SNX25: variants seen among roughly 807,000 people sequenced by gnomAD.
SNX25 encodes sorting nexin-25.
SNX25 carries 62 observed loss-of-function variants against 113.7 expected under a neutral mutation model. The observed-to-expected ratio is 0.55, with a 90% CI of 0.44 to 0.67. The LOEUF (loss-of-function observed/expected upper bound fraction) is 0.67, where lower values mean the gene tolerates loss of function less well. Ranked by LOEUF, SNX25 falls within the 30% of genes least tolerant of loss-of-function variation. The probability of loss-of-function intolerance (pLI) is 0.00; values close to 1 mark genes in which losing one functional copy is unlikely to be tolerated. For synonymous variants in SNX25, 421 were observed against 436.2 expected, an observed-to-expected ratio of 0.97 and a Z score of 0.43; for missense variants, 1,014 against 1,161.0, an observed-to-expected ratio of 0.87 and a Z score of 1.84.
chr4:185,264,540 T>C lies in SNX25; in HGVS notation c.834T>C (p.Cys278=). Residue 278 remains cysteine, a synonymous_variant, in exon 4 of 19, where the codon TGT becomes TGC. Coordinates refer to ENST00000652585, the MANE Select transcript of SNX25 (RefSeq NM_001378034.2). ...CGTGTTCTCGGGTTCTGGTGTTTTG[T>C]CTCCTCCCCTCAAAGGATGTGCAGT... is the stretch of plus-strand genomic sequence containing the variant. ...LQTCSRVLVF[C]LLPSKDVQSL... is the part of the protein sequence containing the mutation. 6.2e-7 allele frequency: 1 copy of C among 1,614,086 alleles called. No individual in the cohort carries two copies. Among genetic ancestry groups the C allele is most frequent in the Non-Finnish European group, 8.5e-7 (1 of 1,179,960 alleles).
At chr4:185,283,183 C>T (rs1750892981) in intron 5 of SNX25, among the ~76,000 whole-genome samples, 1 of 152,170 alleles carries the variant, frequency 6.6e-6, no homozygotes, top group African/African-American at 2.4e-5. Flanking sequence ...CAGTTCCTCA[C>T]AGGAGACCCA....
chr4:185,339,883 G>A (rs548645826), intron 11 of SNX25, among the ~76,000 whole-genome samples: 1 of 152,276 alleles, frequency 6.6e-6, no homozygotes, highest in African/African-American at 2.4e-5. Flanking sequence ...GTTTCATCCT[G>A]CCAACTTCAA....
At chr4:185,269,324 A>G (rs1218717921) in intron 5 of SNX25, among the ~76,000 whole-genome samples, 1 of 152,166 alleles carries the variant, frequency 6.6e-6, no homozygotes, top group Non-Finnish European at 1.5e-5. Flanking sequence ...TCGAATACTC[A>G]TCTACCTGGT....
At chr4:185,218,775 T>C (rs932922014) in intron 1 of SNX25, among the ~76,000 whole-genome samples, 2 of 152,240 alleles carry the variant, frequency 1.3e-5, no homozygotes, top group South Asian at 4.1e-4. Context: ...AGAATATACC[T>C]CTTGGAAAAT....
chr4:185,319,323 A>T (rs1410971961), intron 7 of SNX25, among the ~76,000 whole-genome samples: 2 of 147,090 alleles, frequency 1.4e-5, no homozygotes, highest in African/African-American at 5.0e-5. Context: ...TCAGCCTCCC[A>T]AGTAGCTGGG....
chr4:185,303,637 C>T lies in SNX25; in HGVS notation c.1163-6998C>T, dbSNP rs530035439. On this transcript the variant is annotated intron_variant, in intron 6 of 18. Transcript: ENST00000652585. Reference sequence around the variant, plus strand: ...TTGCACCACTGCACTTCAGCCTGGGCGACAGAGCGAGACTCTGTCTCAAAA... The same window carrying T: ...TTGCACCACTGCACTTCAGCCTGGGTGACAGAGCGAGACTCTGTCTCAAAA... Among the ~76,000 whole-genome samples the T allele has an allele frequency of 9.7e-5, 13 of 133,666 alleles. No individual in the cohort carries two copies. The South Asian group carries it at 1.9e-3, about 19-fold the overall frequency. The allele number at this position is 133,666 out of a possible 152,430, so 87.7% of individuals were successfully genotyped here. A position where few individuals can be genotyped will look rare whatever the true frequency, so the allele number is the denominator to read the frequency against.
chr4:185,319,870 G>T (rs1278300598), intron 7 of SNX25, among the ~76,000 whole-genome samples: 1 of 152,146 alleles, frequency 6.6e-6, no homozygotes, highest in African/African-American at 2.4e-5. Context: ...AAAAATGCAT[G>T]TTTTCAGCTC....
upstream of SNX25, among the ~76,000 whole-genome samples, chr4:185,207,962 AT>A (rs1737260926): frequency 6.6e-6 from 1 of 152,202 alleles, no homozygotes; most frequent in Admixed American, 6.5e-5. Flanking sequence ...AAAAACATAG[AT>A]TTGGTTGTTG....
chr4:185,332,616 G>A lies in SNX25; in HGVS notation c.1771G>A (p.Glu591Lys), dbSNP rs1026082236. 3 of 1,613,598 alleles carry A rather than the reference G, an allele frequency of 1.9e-6. No individual in the cohort carries two copies. Among genetic ancestry groups the A allele is most frequent in the Non-Finnish European group, 2.5e-6 (3 of 1,179,702 alleles). ...CTAGGGCCCAAGAGATGAGGCTGGTGAGGAAGCCGTGGATGATGGTACCAA... is the reference window on the plus strand; with the variant it reads ...CTAGGGCCCAAGAGATGAGGCTGGTAAGGAAGCCGTGGATGATGGTACCAA... ...DEMGPRDEAG[E>K]EAVDDGTNQI... Residue 591 changes from glutamate (E) to lysine (K), a missense_variant, in exon 10 of 19, where the codon GAG becomes AAG. By Grantham distance (56) the Glu-to-Lys change is moderately conservative. Coordinates refer to ENST00000652585, the MANE Select transcript of SNX25 (RefSeq NM_001378034.2).
chr4:185,314,965 A>G (rs971501440), intron 7 of SNX25, among the ~76,000 whole-genome samples: 7 of 151,292 alleles, frequency 4.6e-5, no homozygotes, highest in African/African-American at 1.7e-4. Flanking sequence ...GCGGTGGCTC[A>G]CGCCTGTAGT....
chr4:185,291,873 T>TG (rs987861913), intron 6 of SNX25, among the ~76,000 whole-genome samples: 4 of 152,162 alleles, frequency 2.6e-5, no homozygotes, highest in African/African-American at 9.7e-5. Flanking sequence ...TTAGTAGGTA[T>TG]GGGGGGCAGA....
At chr4:185,229,622 G>A (rs889953945) in intron 1 of SNX25, among the ~76,000 whole-genome samples, 6 of 152,154 alleles carry the variant, frequency 3.9e-5, no homozygotes, top group Non-Finnish European at 5.9e-5. Context: ...GTGTGCCAGC[G>A]TCATTCAGGC....
At chr4:185,324,632 G>A (rs1409960653) in intron 9 of SNX25, among the ~76,000 whole-genome samples, 1 of 152,112 alleles carries the variant, frequency 6.6e-6, no homozygotes, top group Non-Finnish European at 1.5e-5. Context: ...TTTATCTTAG[G>A]GTTGGAACGT....
At chr4:185,375,763 A>T in the SNX25 span, 32 of 1,421,222 alleles carry the variant, frequency 2.3e-5, no homozygotes, top group East Asian at 6.4e-4. Flanking sequence ...TATTTTTATT[A>T]TGATCTTAAA....
chr4:185,312,822 G>A (rs1033180305), intron 7 of SNX25, among the ~76,000 whole-genome samples: 1 of 152,170 alleles, frequency 6.6e-6, no homozygotes, highest in Non-Finnish European at 1.5e-5. Flanking sequence ...ACTGCGCCTG[G>A]CCTTGATTTG....
chr4:185,291,106 C>T (rs1022873436), intron 6 of SNX25, among the ~76,000 whole-genome samples: 32 of 152,154 alleles, frequency 2.1e-4, no homozygotes, highest in Admixed American at 1.7e-3. Flanking sequence ...GTGACATGAC[C>T]TCTGTTACGT....
chr4:185,260,990 G>A (rs1579517982), intron 3 of SNX25, among the ~76,000 whole-genome samples: 1 of 152,090 alleles, frequency 6.6e-6, no homozygotes, highest in East Asian at 1.9e-4. Flanking sequence ...TATTTCAAGT[G>A]TTCCATAGTT....
rs1454534817 is a variant in SNX25 at position 185,362,514 on chromosome 4, T to C, written c.2834-97T>C. 4.0e-6 allele frequency: 5 copies of C among 1,247,780 alleles called. No homozygotes were observed. In the African/African-American group the frequency reaches 4.6e-5, roughly 11 times the overall value. 77.3% of individuals were successfully genotyped at this position (1,247,780 alleles called of 1,614,324 possible). ...TGTTTCTCATGCCTCCATGTGTTTA[T>C]TGACTGAAGGTGTATAATGTTGTAT... On this transcript the variant is annotated intron_variant, in intron 17 of 18. Transcript: ENST00000652585.
rs936846371 is a variant in SNX25 at position 185,210,719 on chromosome 4, C to T, written c.429+464C>T. Among the ~76,000 whole-genome samples, 1 of 151,984 alleles carries T rather than the reference C, an allele frequency of 6.6e-6. No individual in the cohort carries two copies. Among genetic ancestry groups the T allele is most frequent in the Non-Finnish European group, 1.5e-5 (1 of 67,996 alleles). On this transcript the variant is annotated intron_variant, in intron 1 of 18. Coordinates refer to ENST00000652585, the MANE Select transcript of SNX25 (RefSeq NM_001378034.2). The surrounding 1 kb of genome is among the most constrained non-coding windows in gnomAD (Gnocchi z 4.4). Reference sequence around the variant, plus strand: ...AGGAAACTTGCTTCGGTCCCTGGCCCAGCGCCTCACCCCCAAGCCCGCGTA... The same window carrying T: ...AGGAAACTTGCTTCGGTCCCTGGCCTAGCGCCTCACCCCCAAGCCCGCGTA...
Sources: gnomAD v4.1 joint callset for allele counts (sites outside exome capture counted in the v4.1 genomes callset) on GRCh38, gnomAD v4.1.1 for gene constraint, Gnocchi (gnomAD v3.1) non-coding constraint, MANE v1.5 for transcripts, NCBI Gene and HGNC (gene_info 2026-07-23, HGNC 2026-07-21) for gene names.